DPP10: variants seen among roughly 807,000 people sequenced by gnomAD.
DPP10 encodes the protein dipeptidyl peptidase like 10.
A neutral mutation model predicts 120.9 loss-of-function variants in DPP10; 33 were observed. The ratio of observed to expected loss-of-function variants is 0.27; its 90% CI spans 0.21 to 0.37. DPP10 has a LOEUF of 0.37. Among genes scored for constraint, DPP10 ranks in the 10% least tolerant of loss-of-function variants. The pLI is 1.00. For missense variants in DPP10, 816 were observed against 942.8 expected, an observed-to-expected ratio of 0.87 and a Z score of 1.76; for synonymous variants, 337 against 326.1, an observed-to-expected ratio of 1.03 and a Z score of -0.36.
At chr2:115,823,902 A>G (rs921072623) in intron 21 of DPP10, among the ~76,000 whole-genome samples, 2 of 152,252 alleles carry the variant, frequency 1.3e-5, no homozygotes, top group Non-Finnish European at 2.9e-5. Context: ...TCAAGGAAAG[A>G]AAAGATGATT....
chr2:115,751,156 T>A (rs1678656536), intron 10 of DPP10, among the ~76,000 whole-genome samples: 1 of 152,236 alleles, frequency 6.6e-6, no homozygotes, highest in African/African-American at 2.4e-5. Context: ...TTTATATCAA[T>A]TATTCAGCAT....
chr2:114,468,867 G>A (rs984963400), intron 1 of DPP10, among the ~76,000 whole-genome samples: 14 of 152,102 alleles, frequency 9.2e-5, no homozygotes, highest in Middle Eastern at 3.4e-3. Flanking sequence ...ATTTCATTTC[G>A]TGATTTCTAG....
At chr2:115,600,055 T>TTTTG (rs542762906) in intron 5 of DPP10, among the ~76,000 whole-genome samples, 21 of 152,074 alleles carry the variant, frequency 1.4e-4, no homozygotes, top group Non-Finnish European at 2.6e-4. Flanking sequence ...CACCTGTTTT[T>TTTTG]TTTGTTTGTT....
At chr2:115,567,858 G>A (rs991479245) in intron 5 of DPP10, among the ~76,000 whole-genome samples, 13 of 152,178 alleles carry the variant, frequency 8.5e-5, no homozygotes, top group African/African-American at 3.1e-4. Flanking sequence ...GAAATGTGTT[G>A]TCATACTTTT....
At chr2:114,682,037 A>T (rs955677303) in intron 1 of DPP10, among the ~76,000 whole-genome samples, 3 of 151,946 alleles carry the variant, frequency 2.0e-5, no homozygotes, top group African/African-American at 7.2e-5. Flanking sequence ...GTTCAGTCCC[A>T]TCCCTTCAAT....
intron 7 of DPP10, among the ~76,000 whole-genome samples, chr2:115,722,912 G>T (rs1039290651): frequency 1.3e-5 from 2 of 152,160 alleles, no homozygotes; most frequent in African/African-American, 2.4e-5. Flanking sequence ...CAAAGTGGTG[G>T]TATGCAGAAC....
intron 3 of DPP10, among the ~76,000 whole-genome samples, chr2:115,352,196 A>T (rs926251893): frequency 6.6e-6 from 1 of 152,148 alleles, no homozygotes; most frequent in African/African-American, 2.4e-5. Flanking sequence ...TTTAGAATAA[A>T]GAAGCTAAAT....
intron 5 of DPP10, among the ~76,000 whole-genome samples, chr2:115,687,855 A>G (rs910139114): frequency 2.8e-4 from 43 of 152,072 alleles, no homozygotes; most frequent in Non-Finnish European, 5.6e-4. Context: ...GATAATGCCC[A>G]GCAACTTTTT....
At chr2:115,548,419 A>C (rs1211768559) in intron 5 of DPP10, among the ~76,000 whole-genome samples, 1 of 152,144 alleles carries the variant, frequency 6.6e-6, no homozygotes, top group Admixed American at 6.6e-5. Flanking sequence ...AGGAGGTGAT[A>C]GTATTAAAGA....
At chr2:115,727,662 T>C (rs1449651094) in intron 7 of DPP10, among the ~76,000 whole-genome samples, 154 bp from the exon 8 acceptor site, 1 of 152,130 alleles carries the variant, frequency 6.6e-6, no homozygotes, top group Non-Finnish European at 1.5e-5. Flanking sequence ...CCATTAATAA[T>C]TGAAAGCAAT....
intron 3 of DPP10, among the ~76,000 whole-genome samples, chr2:115,392,774 T>A (rs1206985199): frequency 6.6e-6 from 1 of 152,158 alleles, no homozygotes; most frequent in Non-Finnish European, 1.5e-5. Context: ...TTAGACAGAT[T>A]AATTCTTTAT....
intron 2 of DPP10, among the ~76,000 whole-genome samples, chr2:115,320,923 C>T (rs1186283119): frequency 6.6e-6 from 1 of 152,098 alleles, no homozygotes; most frequent in Non-Finnish European, 1.5e-5. Flanking sequence ...CTCAGCTTTC[C>T]TCAGCTTTTG....
At chr2:115,099,557 G>T (rs747112547) in intron 1 of DPP10, among the ~76,000 whole-genome samples, 2 of 152,090 alleles carry the variant, frequency 1.3e-5, no homozygotes, top group Non-Finnish European at 2.9e-5. Context: ...TAAACCTCTA[G>T]AACCAAGAAC....
chr2:115,602,370 C>T (rs1226820674), intron 5 of DPP10, among the ~76,000 whole-genome samples: 1 of 152,146 alleles, frequency 6.6e-6, no homozygotes, highest in Non-Finnish European at 1.5e-5. Flanking sequence ...TCATTTTTAG[C>T]ACAGAATCTT....
intron 1 of DPP10, among the ~76,000 whole-genome samples, chr2:115,163,752 A>AG (rs1387450308): frequency 6.6e-6 from 1 of 152,178 alleles, no homozygotes; most frequent in Non-Finnish European, 1.5e-5. Flanking sequence ...TCCCCACATG[A>AG]AATCTTTGCT....
In DPP10 at chr2:115,576,196, C is replaced by T. The variant is rs147621643; in HGVS notation, c.441+50224C>T. 1.6e-3 allele frequency among the ~76,000 whole-genome samples: 238 copies of T among 152,296 alleles called. 1 individual carries two copies. The highest frequency in any genetic ancestry group is 5.0e-3 in the African/African-American group (207 of 41,550). On this transcript the variant is annotated intron_variant, in intron 5 of 25. Coordinates refer to ENST00000410059, the MANE Select transcript of DPP10 (RefSeq NM_020868.6). ...ATGAGCTATCAAAAACATTGATCAC[C>T]TTATCCTTGATAGGGCCAGGAATGC... is the stretch of plus-strand genomic sequence containing the variant.
At chr2:114,886,433 G>A (rs1007812643) in intron 1 of DPP10, among the ~76,000 whole-genome samples, 3 of 151,900 alleles carry the variant, frequency 2.0e-5, no homozygotes, top group Admixed American at 6.6e-5. Context: ...TATTTTTATC[G>A]ATATGATGAT....
At chr2:114,570,842 A>T (rs1171948616) in intron 1 of DPP10, among the ~76,000 whole-genome samples, 3 of 150,330 alleles carry the variant, frequency 2.0e-5, no homozygotes, top group Admixed American at 6.6e-5. Context: ...CAAATAAAAA[A>T]AAAAAAAAAA....
At chr2:115,249,664 CT>C (rs1423474353) in intron 1 of DPP10, among the ~76,000 whole-genome samples, 1 of 152,060 alleles carries the variant, frequency 6.6e-6, no homozygotes, top group African/African-American at 2.4e-5. Flanking sequence ...TTGAGTTCTA[CT>C]TTTTTTCCCC....
Sources: gnomAD v4.1 joint callset for allele counts (sites outside exome capture counted in the v4.1 genomes callset) on GRCh38, gnomAD v4.1.1 for gene constraint, MANE v1.5 for transcripts, NCBI Gene and HGNC (gene_info 2026-07-23, HGNC 2026-07-21) for gene names.